The following GRM7 variants were observed in gnomAD, a reference collection of about 807,000 sequenced individuals.
GRM7 encodes glutamate metabotropic receptor 7, also known as metabotropic glutamate receptor 7.
In GRM7, 35 loss-of-function variants were observed where a neutral mutation model predicts 84.5. That is an observed-to-expected ratio of 0.41 (90% CI 0.32 to 0.55). The LOEUF (loss-of-function observed/expected upper bound fraction) is 0.55, where lower values mean the gene tolerates loss of function less well. Among genes scored for constraint, GRM7 ranks in the 20% least tolerant of loss-of-function variants. The probability of loss-of-function intolerance (pLI) is 0.19; values close to 1 mark genes in which losing one functional copy is unlikely to be tolerated. For missense variants in GRM7, 1,003 were observed against 1,194.6 expected (o/e 0.84, Z 2.36); for synonymous variants, 487 against 455.1 (o/e 1.07, Z -0.89).
chr3:7,509,779 C>A (rs2124975638), intron 7 of GRM7, among the ~76,000 whole-genome samples: 1 of 151,972 alleles, frequency 6.6e-6, no homozygotes, highest in East Asian at 1.9e-4. Context: ...ATATTTTCAG[C>A]TGGGGAAATT....
intron 7 of GRM7, among the ~76,000 whole-genome samples, chr3:7,553,019 C>T (rs938663970): frequency 1.3e-5 from 2 of 152,190 alleles, no homozygotes; most frequent in Non-Finnish European, 2.9e-5. Context: ...GTTCCAATTC[C>T]AAACCATCTC....
chr3:6,947,459 A>G (rs1005002579), intron 1 of GRM7, among the ~76,000 whole-genome samples: 2 of 152,118 alleles, frequency 1.3e-5, no homozygotes, highest in Admixed American at 1.3e-4. Context: ...GTTTGCCAGT[A>G]TTTTATTGAG....
At chr3:7,496,689 T>G (rs1450099) in intron 7 of GRM7, among the ~76,000 whole-genome samples, 90,459 of 151,820 alleles carry the variant, frequency 0.6, 27,297 homozygotes, top group East Asian at 0.75. Context: ...TTATATAATA[T>G]AATGCCCTTG....
intron 8 of GRM7, among the ~76,000 whole-genome samples, chr3:7,658,702 C>G (rs764412054): frequency 1.4e-4 from 21 of 152,114 alleles, no homozygotes; most frequent in Admixed American, 2.6e-4. Context: ...AAAATCCATA[C>G]CATTGTTTAT....
intron 7 of GRM7, among the ~76,000 whole-genome samples, chr3:7,517,364 T>C (rs1700429688): frequency 3.5e-4 from 1 of 2,888 alleles, no homozygotes; most frequent in Non-Finnish European, 6.7e-4. Flanking sequence ...TGGTTACTAT[T>C]ATTATTAGTA....
At chr3:7,168,814 G>A (rs1163039133) in intron 2 of GRM7, among the ~76,000 whole-genome samples, 1 of 152,082 alleles carries the variant, frequency 6.6e-6, no homozygotes, top group Non-Finnish European at 1.5e-5. Flanking sequence ...TAAGGTAATG[G>A]CCAACTTCTC....
chr3:7,708,264 G>A (rs1055023441), intron 9 of GRM7, among the ~76,000 whole-genome samples: 1 of 151,532 alleles, frequency 6.6e-6, no homozygotes, highest in African/African-American at 2.4e-5. Context: ...ATAGAGTAAA[G>A]CCTAGTTTCC....
At chr3:7,461,510 G>A in intron 6 of GRM7, 73 bp from the exon 7 acceptor site, 1 of 1,260,548 alleles carries the variant, frequency 7.9e-7, no homozygotes, top group East Asian at 2.3e-5. Flanking sequence ...TCTCTAGCCT[G>A]TCACCCATAG....
rs777880661 is a variant in GRM7 at position 7,686,446 on chromosome 3, A to G, written c.2698+6151A>G. On this transcript the variant is annotated intron_variant, in intron 9 of 9. Coordinates refer to ENST00000357716, the MANE Select transcript of GRM7 (RefSeq NM_000844.4). ...AGTATAGCTTTTGACTGCTTTCCCAAAGGTAAGAAAACAATCTAATTCTTA... is the reference window on the plus strand; with the variant it reads ...AGTATAGCTTTTGACTGCTTTCCCAGAGGTAAGAAAACAATCTAATTCTTA... The G allele has an allele frequency of 9.5e-6, 13 of 1,363,668 alleles. No individual in the cohort carries two copies. In the Middle Eastern group the frequency reaches 5.4e-4, roughly 57 times the overall value. 84.5% of individuals were successfully genotyped at this position (1,363,668 alleles called of 1,614,324 possible).
At chr3:7,054,794 C>A (rs1163822197) in intron 1 of GRM7, among the ~76,000 whole-genome samples, 2 of 151,744 alleles carry the variant, frequency 1.3e-5, no homozygotes, top group African/African-American at 2.4e-5. Flanking sequence ...AGCAAAGCTA[C>A]TGTTTTCTGT....
At chr3:7,660,620 A>C (rs763761386) in intron 8 of GRM7, among the ~76,000 whole-genome samples, 1 of 152,144 alleles carries the variant, frequency 6.6e-6, no homozygotes, top group Non-Finnish European at 1.5e-5. Flanking sequence ...CAAAATCCCA[A>C]CAGGCTTCTT....
chr3:7,139,955 C>T (rs1219545071), intron 1 of GRM7, among the ~76,000 whole-genome samples: 1 of 151,838 alleles, frequency 6.6e-6, no homozygotes, highest in Non-Finnish European at 1.5e-5. Context: ...AAAGAATTCA[C>T]ACAAATCAAA....
At chr3:6,867,450 T>C (rs1461353823) in intron 1 of GRM7, among the ~76,000 whole-genome samples, 1 of 152,190 alleles carries the variant, frequency 6.6e-6, no homozygotes. Context: ...AACTGCAGGA[T>C]GTATAGGCCT....
chr3:7,403,539 A>C (rs1263168177), intron 4 of GRM7, among the ~76,000 whole-genome samples: 1 of 149,886 alleles, frequency 6.7e-6, no homozygotes, highest in Non-Finnish European at 1.5e-5. Context: ...AATGGCAACA[A>C]GATTCGGTCA....
At chr3:6,890,812 G>A (rs1043757024) in intron 1 of GRM7, among the ~76,000 whole-genome samples, 1 of 152,124 alleles carries the variant, frequency 6.6e-6, no homozygotes, top group African/African-American at 2.4e-5. Context: ...TCGTTGATCT[G>A]TCTAATGTTG....
intron 2 of GRM7, among the ~76,000 whole-genome samples, chr3:7,187,732 G>T (rs894280455): frequency 1.3e-5 from 2 of 152,108 alleles, no homozygotes; most frequent in African/African-American, 4.8e-5. Flanking sequence ...AGTAATTTTG[G>T]GGTCATTGGG....
chr3:7,434,530 G>A (rs1274239083), intron 5 of GRM7, among the ~76,000 whole-genome samples: 2 of 152,122 alleles, frequency 1.3e-5, no homozygotes, highest in Admixed American at 1.3e-4. Context: ...ATGTGTCAAA[G>A]GATATGTTTG....
intron 7 of GRM7, among the ~76,000 whole-genome samples, chr3:7,573,471 A>G (rs1241394951): frequency 6.6e-6 from 1 of 152,152 alleles, no homozygotes; most frequent in Admixed American, 6.5e-5. Context: ...AAAGGAACAG[A>G]TCTCTTCTCC....
intron 1 of GRM7, among the ~76,000 whole-genome samples, chr3:7,026,287 C>T (rs552481280): frequency 2.6e-5 from 4 of 152,264 alleles, no homozygotes; most frequent in Admixed American, 6.5e-5. Context: ...GCACTAGGAC[C>T]AGTAGTAAGG....
Sources: gnomAD v4.1 joint callset for allele counts (sites outside exome capture counted in the v4.1 genomes callset) on GRCh38, gnomAD v4.1.1 for gene constraint, MANE v1.5 for transcripts, NCBI Gene and HGNC (gene_info 2026-07-23, HGNC 2026-07-21) for gene names.